TAB2: variants seen among roughly 807,000 people sequenced by gnomAD.
TAB2 encodes the protein TGF-beta-activated kinase 1 and MAP3K7-binding protein 2.
Under a neutral mutation model 65.0 loss-of-function variants are expected in TAB2, and 3 were observed. The ratio of observed to expected loss-of-function variants is 0.05; its 90% confidence interval spans 0.02 to 0.12. TAB2 has a LOEUF of 0.12. Among genes scored for constraint, TAB2 ranks in the 10% least tolerant of loss-of-function variants. TAB2 has a pLI of 1.00. For missense variants in TAB2, 623 were observed against 840.3 expected (o/e 0.74, Z 3.20); for synonymous variants, 298 against 285.1 (o/e 1.05, Z -0.46).
intron 1 of TAB2, among the ~76,000 whole-genome samples, chr6:149,363,227 G>A (rs1654079604): frequency 2.6e-5 from 4 of 151,992 alleles, no homozygotes; most frequent in Admixed American, 2.6e-4. Context: ...TATATATATG[G>A]GGTAGGCACT....
intron 2 of TAB2, among the ~76,000 whole-genome samples, chr6:149,376,556 G>A (rs750898044): frequency 3.3e-5 from 5 of 152,170 alleles, no homozygotes; most frequent in South Asian, 2.1e-4. Context: ...TGTTGTTGTC[G>A]TTGTTGTTGT....
intron 1 of TAB2, among the ~76,000 whole-genome samples, chr6:149,331,451 A>G (rs1779783700): frequency 6.6e-6 from 1 of 152,024 alleles, no homozygotes; most frequent in African/African-American, 2.4e-5. Context: ...TAGGAGGTTT[A>G]TTTTGTAGAT....
chr6:149,233,191 G>A (rs188174171), intron 1 of TAB2, among the ~76,000 whole-genome samples: 6 of 152,218 alleles, frequency 3.9e-5, no homozygotes, highest in East Asian at 1.9e-4. Context: ...ACTACCTGGC[G>A]GGGGGTGAGA....
In TAB2 at chr6:149,353,137, C is replaced by T. The variant is rs1288972098; in HGVS notation, c.-89-16772C>T. ...GTTTTTACTTTGAGTAACAGAGATG[C>T]ATGTGTAGGCCCTACATCCAGAAAT... On this transcript the variant is annotated intron_variant, in intron 1 of 6. Transcript: ENST00000637181. Among the ~76,000 whole-genome samples the T allele has an allele frequency of 3.9e-5, 6 of 152,114 alleles. No individual in the cohort carries two copies. In the East Asian group the frequency reaches 1.2e-3, roughly 29 times the overall value.
chr6:149,261,466 T>C (rs1778150852), intron 1 of TAB2, among the ~76,000 whole-genome samples: 1 of 152,210 alleles, frequency 6.6e-6, no homozygotes, highest in Non-Finnish European at 1.5e-5. Flanking sequence ...CATAGCGTAC[T>C]TCACTTTATA....
At chr6:149,272,484 A>G (rs1016448025) in intron 1 of TAB2, among the ~76,000 whole-genome samples, 2 of 152,162 alleles carry the variant, frequency 1.3e-5, no homozygotes, top group African/African-American at 4.8e-5. Flanking sequence ...TCCTTGGCTC[A>G]TGGCCCCTTC....
intron 1 of TAB2, among the ~76,000 whole-genome samples, chr6:149,233,867 A>G (rs1280272521): frequency 1.3e-5 from 2 of 152,180 alleles, no homozygotes; most frequent in African/African-American, 4.8e-5. Context: ...CATAAACAAT[A>G]ATATAATTTT....
At chr6:149,272,604 C>T (rs1778383564) in intron 1 of TAB2, among the ~76,000 whole-genome samples, 1 of 152,174 alleles carries the variant, frequency 6.6e-6, no homozygotes, top group Non-Finnish European at 1.5e-5. Flanking sequence ...TTGTGATTAC[C>T]ATGTGCCCAC....
intron 1 of TAB2, among the ~76,000 whole-genome samples, chr6:149,276,110 G>T (rs1778469587): frequency 6.6e-6 from 1 of 152,168 alleles, no homozygotes. Context: ...GGAAAACTGG[G>T]TGTGGGTATA....
At chr6:149,390,040 A>G (rs1033159728) in intron 3 of TAB2, among the ~76,000 whole-genome samples, 6 of 152,226 alleles carry the variant, frequency 3.9e-5, no homozygotes, top group African/African-American at 1.4e-4. Flanking sequence ...GCCTTTAAAA[A>G]TGACAAAATA....
At chr6:149,322,273 GAA>G (rs1391701604) in intron 1 of TAB2, among the ~76,000 whole-genome samples, 1 of 152,132 alleles carries the variant, frequency 6.6e-6, no homozygotes, top group East Asian at 1.9e-4. Context: ...GTACTGTGCA[GAA>G]AAATAAAACG....
intron 1 of TAB2, among the ~76,000 whole-genome samples, chr6:149,364,633 A>T (rs77002157): frequency 1.3e-5 from 2 of 151,184 alleles, no homozygotes. Context: ...TCTCCTGCAT[A>T]CTAGGCACTC....
chr6:149,280,568 C>T (rs1778554994), intron 1 of TAB2, among the ~76,000 whole-genome samples: 1 of 152,078 alleles, frequency 6.6e-6, no homozygotes, highest in South Asian at 2.1e-4. Flanking sequence ...AAAAGTTTTC[C>T]AAATTTGATA....
chr6:149,236,147 G>A (rs780011694), intron 1 of TAB2, among the ~76,000 whole-genome samples: 5 of 152,290 alleles, frequency 3.3e-5, no homozygotes, highest in Admixed American at 6.5e-5. Context: ...CTCACTATTT[G>A]GGAGATGGGC....
intron 1 of TAB2, among the ~76,000 whole-genome samples, chr6:149,325,188 G>C (rs1249396060): frequency 6.6e-6 from 1 of 152,158 alleles, no homozygotes; most frequent in Non-Finnish European, 1.5e-5. Context: ...TTCTGTTGCT[G>C]ACTATAGCTA....
chr6:149,305,493 T>C (rs1779048583), intron 1 of TAB2, among the ~76,000 whole-genome samples: 1 of 152,144 alleles, frequency 6.6e-6, no homozygotes, highest in South Asian at 2.1e-4. Context: ...CACCTCCTAA[T>C]TACTTCCTTA....
At position 149,306,574 on chromosome 6, in the gene TAB2, CA is replaced by C. The variant is rs1188296574; in HGVS notation, c.-120-71438del. On this transcript the variant is annotated intron_variant, in intron 1 of 1. Transcript: ENST00000606202. Reference sequence around the variant, plus strand: ...CTCCGTCTCAAAAAAAAAAAAAAAACAAAAAACAAAAAAAAACACACACACA... The same window carrying C: ...CTCCGTCTCAAAAAAAAAAAAAAAACAAAAACAAAAAAAAACACACACACA... Among the ~76,000 whole-genome samples the C allele has an allele frequency of 2.4e-3, 326 of 133,800 alleles. 3 individuals are homozygous for C. The highest frequency in any genetic ancestry group is 9.0e-3 in the African/African-American group (313 of 34,728). 87.8% of individuals were successfully genotyped at this position (133,800 alleles called of 152,430 possible). A position where few individuals can be genotyped will look rare whatever the true frequency, so the allele number is the denominator to read the frequency against.
intron 1 of TAB2, among the ~76,000 whole-genome samples, chr6:149,363,597 A>C (rs564417895): frequency 1.5e-3 from 223 of 152,320 alleles, no homozygotes; most frequent in African/African-American, 4.4e-3. Flanking sequence ...CATGCTCTTC[A>C]GTTTTTTTGA....
At chr6:149,274,956 C>T (rs1452386337) in intron 1 of TAB2, among the ~76,000 whole-genome samples, 2 of 152,084 alleles carry the variant, frequency 1.3e-5, no homozygotes, top group Non-Finnish European at 2.9e-5. Context: ...CCTGGTGTAG[C>T]CCTGAGCATA....
Sources: allele counts gnomAD v4.1 joint callset (sites outside exome capture counted in the v4.1 genomes callset), GRCh38; gene constraint gnomAD v4.1.1; transcripts MANE v1.5; gene names NCBI Gene and HGNC (gene_info 2026-07-23, HGNC 2026-07-21).